Variants in BNIP2 observed in about 807,000 individuals in gnomAD.
BNIP2 encodes BCL2 interacting protein 2.
In BNIP2, 36 loss-of-function variants were observed where a neutral mutation model predicts 43.4. That is an observed-to-expected ratio of 0.83 (90% CI 0.64 to 1.10). The LOEUF (loss-of-function observed/expected upper bound fraction) is 1.10. Among genes scored for constraint, BNIP2 ranks in the 50% least tolerant of loss-of-function variants. BNIP2 has a pLI of 0.00. For missense variants in BNIP2, 417 were observed against 374.1 expected, an observed-to-expected ratio of 1.11 and a Z score of -0.95; for synonymous variants, 146 against 121.0, an observed-to-expected ratio of 1.21 and a Z score of -1.35.
At chr15:59,668,016 C>A in intron 9 of BNIP2, 1 of 931,568 alleles carries the variant, frequency 1.1e-6, no homozygotes. Context: ...TTATCTTTGT[C>A]TACAAGCTAA....
intron 5 of BNIP2, chr15:59,676,726 G>A (rs529602028): frequency 2.0e-5 from 23 of 1,122,082 alleles, no homozygotes; most frequent in East Asian, 7.7e-5. Flanking sequence ...AGTGCCGCGC[G>A]GTGCGGTGCG....
At chr15:59,678,341 C>T (rs765150088) in intron 4 of BNIP2, 278 of 1,196,618 alleles carry the variant, frequency 2.3e-4, no homozygotes, top group Non-Finnish European at 2.7e-4. Flanking sequence ...AACGTGTATC[C>T]ACAAGTTCAG....
In BNIP2 at chr15:59,662,606, G is replaced by C. The variant is rs1892336400; in HGVS notation, c.*1463C>G. On this transcript the variant is annotated 3_prime_UTR_variant, in exon 10 of 10. Coordinates refer to ENST00000607373, the MANE Select transcript of BNIP2 (RefSeq NM_004330.4). ...TAACAGAAGGTTTGTAAGTACATGA[G>C]AATGGTCACAGCCACATGTGTGTTC... The C allele has an allele frequency of 6.6e-6, 1 of 152,226 alleles. No homozygotes were observed. Among genetic ancestry groups the C allele is most frequent in the African/African-American group, 2.4e-5 (1 of 41,448 alleles). The allele number at this position is 152,226 out of a possible 1,614,324, so 9.4% of individuals were successfully genotyped here. A position where few individuals can be genotyped will look rare whatever the true frequency, so the allele number is the denominator to read the frequency against.
At chr15:59,686,457 A>C (rs1387938480) in intron 1 of BNIP2, among the ~76,000 whole-genome samples, 4 of 152,216 alleles carry the variant, frequency 2.6e-5, no homozygotes, top group African/African-American at 9.7e-5. Context: ...TACTATATGC[A>C]GTTTAATACT....
intron 2 of BNIP2, 45 bp downstream of exon 2, chr15:59,682,363 T>C (rs773675325): frequency 6.5e-7 from 1 of 1,536,680 alleles, no homozygotes; most frequent in South Asian, 1.2e-5. Flanking sequence ...AAAGAAATTT[T>C]GAACTTTTGC....
intron 9 of BNIP2, among the ~76,000 whole-genome samples, chr15:59,666,561 G>C (rs944981148): frequency 1.3e-5 from 2 of 152,178 alleles, no homozygotes; most frequent in East Asian, 3.9e-4. Flanking sequence ...CAGCTACTTG[G>C]GGGGCTGAGG....
chr15:59,678,491 G>T, intron 4 of BNIP2: 2 of 1,065,194 alleles, frequency 1.9e-6, no homozygotes, highest in Non-Finnish European at 2.3e-6. Flanking sequence ...CAATTTTGTT[G>T]TTGTTGAGCA....
intron 1 of BNIP2, among the ~76,000 whole-genome samples, chr15:59,683,094 A>G (rs1893796179): frequency 6.6e-6 from 1 of 152,212 alleles, no homozygotes; most frequent in Admixed American, 6.5e-5. Context: ...TTTCATATCT[A>G]TACTATGCCC....
intron 1 of BNIP2, chr15:59,688,725 G>C: frequency 3.3e-6 from 5 of 1,535,654 alleles, no homozygotes; most frequent in Non-Finnish European, 4.4e-6. Flanking sequence ...GCGGTTACGA[G>C]GCATACCAGA....
intron 5 of BNIP2, among the ~76,000 whole-genome samples, chr15:59,675,738 A>C (rs1319843929): frequency 1.3e-5 from 2 of 152,214 alleles, no homozygotes; most frequent in African/African-American, 4.8e-5. Context: ...AAAAAAACGG[A>C]TAAGCAAATT....
chr15:59,668,753 T>C, intron 9 of BNIP2, 139 bp downstream of exon 9: 1 of 639,246 alleles, frequency 1.6e-6, no homozygotes, highest in African/African-American at 1.9e-5. Flanking sequence ...CTCTTTTTCT[T>C]TGTTACACAC....
At chr15:59,680,146 A>C in intron 3 of BNIP2, 95 bp downstream of exon 3, 2 of 1,042,966 alleles carry the variant, frequency 1.9e-6, no homozygotes, top group Non-Finnish European at 2.7e-6. Flanking sequence ...GATGGAATAA[A>C]AACTCAAGTT....
At chr15:59,687,952 T>C (rs1001849156) in intron 1 of BNIP2, among the ~76,000 whole-genome samples, 3 of 152,222 alleles carry the variant, frequency 2.0e-5, no homozygotes, top group Admixed American at 2.0e-4. Context: ...TCCAGTGCAC[T>C]GGCAATTTTA....
chr15:59,686,318 G>A (rs186936838), intron 1 of BNIP2, among the ~76,000 whole-genome samples: 1 of 152,198 alleles, frequency 6.6e-6, no homozygotes, highest in Admixed American at 6.5e-5. Context: ...TGGAGGACAA[G>A]GTGGGAAGAT....
Position 59,671,167 on chromosome 15 carries a change from CTTGTAT to C in BNIP2, c.707+10_707+15del. The stretch of plus-strand genomic sequence containing the variant: ...AAAATTTTTTCAGACTAGCTTTCAA[CTTGTAT>C]TTGTATTACCTTCTATCAATTTGCT... On this transcript the variant is annotated intron_variant, in intron 7 of 9. Transcript: ENST00000607373. The C allele has an allele frequency of 6.4e-7, 1 of 1,562,618 alleles. No homozygotes were observed. The highest frequency in any genetic ancestry group is 8.7e-7 in the Non-Finnish European group (1 of 1,153,276).
In BNIP2 at chr15:59,662,125, A is replaced by C. The variant is rs931435909; in HGVS notation, c.*1944T>G. On this transcript the variant is annotated 3_prime_UTR_variant, in exon 10 of 10. Coordinates refer to ENST00000607373, the MANE Select transcript of BNIP2 (RefSeq NM_004330.4). ...CAAAAAAGAGTTGAAGTTATTCTTC[A>C]TATTTTTTAAACTGAAGAACCAAGT... is the stretch of plus-strand genomic sequence containing the variant. 5 of 152,252 alleles carry C rather than the reference A, an allele frequency of 3.3e-5. No homozygotes were observed. The highest frequency in any genetic ancestry group is 2.9e-5 in the Non-Finnish European group (2 of 68,036). The allele number at this position is 152,252 out of a possible 1,614,324, so 9.4% of individuals were successfully genotyped here.
At position 59,689,046 on chromosome 15, in the gene BNIP2, G is replaced by C. The variant is rs117437201; in HGVS notation, c.-58+89C>G. The C allele has an allele frequency of 3.4e-6, 5 of 1,460,128 alleles. No homozygotes were observed. The African/African-American group carries it at 7.1e-5, about 21-fold the overall frequency. 90.4% of individuals were successfully genotyped at this position (1,460,128 alleles called of 1,614,324 possible). A position where few individuals can be genotyped will look rare whatever the true frequency, so the allele number is the denominator to read the frequency against. ...TGGGTTTCCTCTCCCCGGACGTCGT[G>C]GGCACGCGCCCGACAGACTTTCGCC... On this transcript the variant is annotated intron_variant, in intron 1 of 9. Transcript: ENST00000607373.
intron 1 of BNIP2, among the ~76,000 whole-genome samples, chr15:59,684,283 C>T (rs1419418872): frequency 6.6e-6 from 1 of 152,202 alleles, no homozygotes; most frequent in Non-Finnish European, 1.5e-5. Context: ...TCCACACCAA[C>T]TTATTTGCTT....
chr15:59,685,028 G>C (rs1893924137), intron 1 of BNIP2, among the ~76,000 whole-genome samples: 1 of 152,138 alleles, frequency 6.6e-6, no homozygotes, highest in Non-Finnish European at 1.5e-5. Flanking sequence ...TTTGTCATGT[G>C]TTACCCCATA....
Sources: gnomAD v4.1 joint callset for allele counts (sites outside exome capture counted in the v4.1 genomes callset) on GRCh38, gnomAD v4.1.1 for gene constraint, MANE v1.5 for transcripts, NCBI Gene and HGNC (gene_info 2026-07-23, HGNC 2026-07-21) for gene names.